Variants in EML6 observed in about 807,000 individuals in gnomAD.
EML6 encodes echinoderm microtubule-associated protein-like 6.
EML6 carries 154 observed loss-of-function variants against 240.1 expected under a neutral mutation model. The ratio of observed to expected loss-of-function variants is 0.64; its 90% CI spans 0.56 to 0.73. EML6 has a LOEUF of 0.73. Ranked by LOEUF, EML6 falls within the 30% of genes least tolerant of loss-of-function variation. The pLI, the probability that EML6 is intolerant of heterozygous loss-of-function variation, is 0.00. For synonymous variants in EML6, 1,148 were observed against 899.0 expected (o/e 1.28, Z -4.95); for missense variants, 2,964 against 2,474.6 (o/e 1.20, Z -4.20).
chr2:54,800,137 C>T (rs1403582882), intron 2 of EML6, among the ~76,000 whole-genome samples: 1 of 152,074 alleles, frequency 6.6e-6, no homozygotes, highest in Non-Finnish European at 1.5e-5. Context: ...CCCAGCTACT[C>T]GGGAGGCTGA....
chr2:54,868,987 A>T, intron 14 of EML6, 194 bp from the exon 15 acceptor site: 2 of 511,298 alleles, frequency 3.9e-6, no homozygotes, highest in Non-Finnish European at 7.0e-6. Context: ...TTCAGTGCCC[A>T]TGTGCCTTTT....
In EML6 at chr2:54,928,465, C is replaced by T; in HGVS notation, c.3828C>T (p.Ser1276=). 1 of 1,549,514 alleles carries T rather than the reference C, an allele frequency of 6.5e-7. No homozygotes were observed. Among genetic ancestry groups the T allele is most frequent in the African/African-American group, 1.4e-5 (1 of 73,034 alleles). ...WTREFVGTQE[S]KLVDSEESDT... ...GGGAGTTTGTGGGGACCCAGGAGAG[C>T]AAGCTGGTGGACAGCGAGGAGTCAG... The change falls in exon 27 of 42, where the codon AGC becomes AGT. Residue 1276 remains serine, a synonymous_variant. Coordinates refer to ENST00000356458, the MANE Select transcript of EML6 (RefSeq NM_001039753.4).
intron 28 of EML6, among the ~76,000 whole-genome samples, chr2:54,946,101 C>T (rs1675682489): frequency 6.6e-6 from 1 of 152,324 alleles, no homozygotes; most frequent in South Asian, 2.1e-4. Context: ...GCCTGTGTGC[C>T]ACCCTCTCTC....
At chr2:54,750,138 A>G (rs1684093118) in intron 2 of EML6, among the ~76,000 whole-genome samples, 1 of 152,214 alleles carries the variant, frequency 6.6e-6, no homozygotes, top group South Asian at 2.1e-4. Flanking sequence ...TGCACTGTCC[A>G]CAATACCCCC....
At chr2:54,896,862 C>A (rs1174252166) in intron 21 of EML6, among the ~76,000 whole-genome samples, 1 of 152,132 alleles carries the variant, frequency 6.6e-6, no homozygotes, top group African/African-American at 2.4e-5. Flanking sequence ...CCCTGGATAT[C>A]CTGAACAAGT....
chr2:54,842,070 C>T (rs1054492042), intron 7 of EML6, among the ~76,000 whole-genome samples: 8 of 152,194 alleles, frequency 5.3e-5, no homozygotes, highest in East Asian at 1.9e-4. Context: ...GCTACCTTGA[C>T]GTGTCATTAT....
chr2:54,935,792 C>G (rs1411105440), intron 28 of EML6, among the ~76,000 whole-genome samples: 1 of 152,180 alleles, frequency 6.6e-6, no homozygotes, highest in East Asian at 1.9e-4. Context: ...GGGAGGATAA[C>G]TTGAATCCAG....
chr2:54,909,078 G>C (rs1472303692), intron 24 of EML6, among the ~76,000 whole-genome samples: 1 of 152,140 alleles, frequency 6.6e-6, no homozygotes, highest in Non-Finnish European at 1.5e-5. Context: ...TGAAACTATG[G>C]TGTAAAGTGA....
intron 22 of EML6, among the ~76,000 whole-genome samples, chr2:54,900,841 A>C (rs574941494): frequency 6.6e-6 from 1 of 152,318 alleles, no homozygotes; most frequent in African/African-American, 2.4e-5. Context: ...TATTTGGCAC[A>C]AAGTACCCTG....
chr2:54,838,673 G>C (rs1052184303), intron 7 of EML6, among the ~76,000 whole-genome samples: 3 of 152,208 alleles, frequency 2.0e-5, no homozygotes, highest in Non-Finnish European at 2.9e-5. Context: ...CCACGGACTG[G>C]TGAGGATTTG....
chr2:54,963,301 A>T (rs1293051685), intron 36 of EML6, among the ~76,000 whole-genome samples: 2 of 152,234 alleles, frequency 1.3e-5, no homozygotes, highest in East Asian at 1.9e-4. Flanking sequence ...TAAAAGCTTG[A>T]GTATGGTTGC....
At chr2:54,905,460 G>A (rs1171430526) in intron 24 of EML6, among the ~76,000 whole-genome samples, 2 of 151,776 alleles carry the variant, frequency 1.3e-5, no homozygotes, top group Non-Finnish European at 2.9e-5. Flanking sequence ...ATTACGGAGT[G>A]AAGAGTCCAG....
chr2:54,849,434 T>G (rs1290706410), intron 9 of EML6, among the ~76,000 whole-genome samples: 1 of 152,232 alleles, frequency 6.6e-6, no homozygotes, highest in Non-Finnish European at 1.5e-5. Context: ...TTAATTAAAT[T>G]TTTTGTTTTT....
In EML6 at chr2:54,853,627, TATTG is replaced by T; in HGVS notation, c.1445-12_1445-9del. On this transcript the variant is annotated splice_polypyrimidine_tract_variant and intron_variant, in intron 10 of 41. Coordinates refer to ENST00000356458, the MANE Select transcript of EML6 (RefSeq NM_001039753.4). ...ACTTTTTATTTAAATGTAATGTTAA[TATTG>T]ATTATTTTCAGCTGGGAAGCCTTTA... 7.0e-7 allele frequency: 1 copy of T among 1,438,664 alleles called. No homozygotes were observed. The highest frequency in any genetic ancestry group is 1.4e-5 in the South Asian group (1 of 73,854). 89.1% of individuals were successfully genotyped at this position (1,438,664 alleles called of 1,614,324 possible).
intron 7 of EML6, among the ~76,000 whole-genome samples, chr2:54,838,752 C>G (rs1572979574): frequency 6.6e-6 from 1 of 152,184 alleles, no homozygotes; most frequent in African/African-American, 2.4e-5. Context: ...TGCTGGCTCT[C>G]TGTACCAAGC....
intron 28 of EML6, among the ~76,000 whole-genome samples, chr2:54,943,459 A>G (rs1405634111): frequency 6.6e-6 from 1 of 152,122 alleles, no homozygotes. Context: ...AGGTCCTTTG[A>G]TTAATCTTAT....
At chr2:54,788,478 A>G (rs536606359) in intron 2 of EML6, among the ~76,000 whole-genome samples, 1 of 137,882 alleles carries the variant, frequency 7.3e-6, no homozygotes, top group East Asian at 1.9e-4. Flanking sequence ...TCCAGCTGGG[A>G]AAAGAGGTAT....
chr2:54,838,092 T>C (rs1233702879), intron 7 of EML6, among the ~76,000 whole-genome samples: 1 of 152,202 alleles, frequency 6.6e-6, no homozygotes, highest in Non-Finnish European at 1.5e-5. Context: ...CAGATCAAAA[T>C]TATAATAGCA....
At chr2:54,901,342 G>A (rs1673047606) in intron 22 of EML6, among the ~76,000 whole-genome samples, 1 of 152,162 alleles carries the variant, frequency 6.6e-6, no homozygotes, top group Admixed American at 6.5e-5. Flanking sequence ...AAATGGTGGA[G>A]GCAGGATTTC....
Sources: gnomAD v4.1 joint callset for allele counts (sites outside exome capture counted in the v4.1 genomes callset) on GRCh38, gnomAD v4.1.1 for gene constraint, MANE v1.5 for transcripts, NCBI Gene and HGNC (gene_info 2026-07-23, HGNC 2026-07-21) for gene names.